The following KAT2B variants were observed in gnomAD, a reference collection of about 807,000 sequenced individuals.
KAT2B encodes histone acetyltransferase KAT2B.
Under a neutral mutation model 105.9 loss-of-function variants are expected in KAT2B, and 36 were observed. The observed-to-expected ratio is 0.34, with a 90% CI of 0.26 to 0.45. The LOEUF is 0.45. Ranked by LOEUF, KAT2B falls within the 20% of genes least tolerant of loss-of-function variation. The probability of loss-of-function intolerance (pLI) is 1.00; values close to 1 mark genes in which losing one functional copy is unlikely to be tolerated. For missense variants in KAT2B, 820 were observed against 1,021.6 expected (o/e 0.80, Z 2.69); for synonymous variants, 397 against 377.9 (o/e 1.05, Z -0.59).
chr3:20,066,533 G>A (rs1244472771), intron 1 of KAT2B, among the ~76,000 whole-genome samples: 1 of 152,010 alleles, frequency 6.6e-6, no homozygotes, highest in Admixed American at 6.6e-5. Flanking sequence ...CGAGTAGCTG[G>A]GATTACAGGC....
At chr3:20,115,985 A>G (rs1699200393) in intron 7 of KAT2B, among the ~76,000 whole-genome samples, 1 of 152,220 alleles carries the variant, frequency 6.6e-6, no homozygotes, top group Non-Finnish European at 1.5e-5. Context: ...CTAAATCCCT[A>G]CAAACCAAAG....
At chr3:20,071,641 G>T (rs557547871) in intron 1 of KAT2B, among the ~76,000 whole-genome samples, 33 of 152,348 alleles carry the variant, frequency 2.2e-4, no homozygotes, top group Middle Eastern at 3.4e-3. Flanking sequence ...ACATAGGGAA[G>T]TGTGAAGAGT....
intron 1 of KAT2B, among the ~76,000 whole-genome samples, chr3:20,053,830 A>G (rs1697957861): frequency 6.6e-6 from 1 of 151,498 alleles, no homozygotes; most frequent in Non-Finnish European, 1.5e-5. Context: ...ATGGAGTCTC[A>G]CTCTGTAGCC....
chr3:20,113,617 G>C (rs375143954), intron 6 of KAT2B, among the ~76,000 whole-genome samples: 1 of 152,160 alleles, frequency 6.6e-6, no homozygotes, highest in African/African-American at 2.4e-5. Flanking sequence ...AACATTTAAG[G>C]CTATTGGGGA....
intron 2 of KAT2B, among the ~76,000 whole-genome samples, chr3:20,076,544 T>C (rs1698422342): frequency 6.6e-6 from 1 of 152,216 alleles, no homozygotes; most frequent in Non-Finnish European, 1.5e-5. Flanking sequence ...GAAAAACTTT[T>C]TTTCTTAATG....
intron 1 of KAT2B, among the ~76,000 whole-genome samples, chr3:20,059,334 A>C (rs972556916): frequency 1.8e-4 from 27 of 147,138 alleles, no homozygotes; most frequent in African/African-American, 6.8e-4. Context: ...GAATCGCTTG[A>C]ACCTGGGAGG....
chr3:20,148,785 T>A, intron 17 of KAT2B: 1 of 282,916 alleles, frequency 3.5e-6, no homozygotes. Flanking sequence ...TAGATATAAC[T>A]TTGCTTATAT....
At chr3:20,148,085 T>G in intron 15 of KAT2B, 86 bp downstream of exon 15, 1 of 1,420,260 alleles carries the variant, frequency 7.0e-7, no homozygotes, top group Non-Finnish European at 9.9e-7. Context: ...GCAAACTAAT[T>G]GTAATCACTA....
Position 20,152,715 on chromosome 3 carries a change from T to C in KAT2B, c.*190T>C, listed in dbSNP as rs111392228. The C allele has an allele frequency of 1.4e-4, 66 of 455,956 alleles. No homozygotes were observed. Among genetic ancestry groups the C allele is most frequent in the African/African-American group, 9.6e-4 (50 of 51,816 alleles). The allele number at this position is 455,956 out of a possible 1,614,324, so 28.2% of individuals were successfully genotyped here. ...GTATTTAAATTGAAGTCATAGGACA[T>C]TTTTATTTTATGGAATAGATTTTAA... is the stretch of plus-strand genomic sequence containing the variant. On this transcript the variant is annotated 3_prime_UTR_variant, in exon 18 of 18. Coordinates refer to ENST00000263754, the MANE Select transcript of KAT2B (RefSeq NM_003884.5).
chr3:20,059,671 T>C (rs977115541), intron 1 of KAT2B, among the ~76,000 whole-genome samples: 1 of 151,432 alleles, frequency 6.6e-6, no homozygotes, highest in African/African-American at 2.4e-5. Flanking sequence ...TACCACTGCA[T>C]TCCAGCCTGG....
At chr3:20,132,187 C>T (rs950650855) in intron 11 of KAT2B, among the ~76,000 whole-genome samples, 2 of 152,092 alleles carry the variant, frequency 1.3e-5, no homozygotes, top group Admixed American at 6.6e-5. Flanking sequence ...CCAGCCTGAC[C>T]AACATGGTGA....
intron 1 of KAT2B, among the ~76,000 whole-genome samples, chr3:20,064,277 A>G (rs1049493018): frequency 1.2e-4 from 18 of 152,218 alleles, no homozygotes; most frequent in African/African-American, 4.3e-4. Context: ...AAACATGTAT[A>G]CATTGTGTAA....
intron 11 of KAT2B, among the ~76,000 whole-genome samples, chr3:20,133,969 A>G (rs1012969862): frequency 1.3e-5 from 2 of 152,104 alleles, no homozygotes; most frequent in African/African-American, 4.8e-5. Flanking sequence ...TATTGATTCT[A>G]TAGAAGATAT....
intron 6 of KAT2B, among the ~76,000 whole-genome samples, chr3:20,114,584 G>T (rs571369149): frequency 6.6e-6 from 1 of 152,144 alleles, no homozygotes; most frequent in African/African-American, 2.4e-5. Flanking sequence ...GGCTGAAATC[G>T]TGCTCTGAGA....
chr3:20,047,790 A>G (rs926756154), intron 1 of KAT2B, among the ~76,000 whole-genome samples: 7 of 151,414 alleles, frequency 4.6e-5, no homozygotes, highest in Admixed American at 4.0e-4. Flanking sequence ...ATTTTTTTGT[A>G]TTTTTAGTAG....
At chr3:20,041,158 C>A (rs1051003654) in intron 1 of KAT2B, among the ~76,000 whole-genome samples, 3 of 152,096 alleles carry the variant, frequency 2.0e-5, no homozygotes, top group Non-Finnish European at 4.4e-5. Context: ...AAGGAAAAAT[C>A]TTTTGGGGGA....
At chr3:20,082,796 A>G (rs543615480) in intron 2 of KAT2B, among the ~76,000 whole-genome samples, 17 of 152,300 alleles carry the variant, frequency 1.1e-4, no homozygotes, top group Non-Finnish European at 2.4e-4. Flanking sequence ...CCCACCAAAT[A>G]CGTAAGCATT....
chr3:20,118,726 C>CAAAA (rs202106321), intron 7 of KAT2B, among the ~76,000 whole-genome samples: 2 of 90,130 alleles, frequency 2.2e-5, no homozygotes, highest in Non-Finnish European at 4.2e-5. Flanking sequence ...AACTTTGTCT[C>CAAAA]AAAAAAAAAA....
rs56239971 is a variant in KAT2B, at chr3:20,092,236, T to TTTATTTATTTATTTATTTATTTA, written c.431-3017_431-3016insATTTATTTATTTATTATTTATTT. ...TTTCACATATTTATTTATTTATTTA[T>TTTATTTATTTATTTATTTATTTA]TTATTTATTTGAGATGGAGTGTTGC... On this transcript the variant is annotated intron_variant, in intron 2 of 17. Transcript: ENST00000263754. 1.3e-3 allele frequency among the ~76,000 whole-genome samples: 137 copies of TTTATTTATTTATTTATTTATTTA among 103,506 alleles called. 1 individual carries two copies. The highest frequency in any genetic ancestry group is 3.0e-3 in the African/African-American group (100 of 33,222). 67.9% of individuals were successfully genotyped at this position (103,506 alleles called of 152,430 possible).
Sources: allele counts gnomAD v4.1 joint callset (sites outside exome capture counted in the v4.1 genomes callset), GRCh38; gene constraint gnomAD v4.1.1; transcripts MANE v1.5; gene names NCBI Gene and HGNC (gene_info 2026-07-23, HGNC 2026-07-21).